Variants in EFNA5 observed in about 807,000 individuals in gnomAD.
EFNA5 encodes ephrin-A5.
Under a neutral mutation model 22.9 loss-of-function variants are expected in EFNA5, and 5 were observed. The observed-to-expected ratio is 0.22, with a 90% CI of 0.11 to 0.46. The LOEUF is 0.46. Ranked by LOEUF, EFNA5 falls within the 20% of genes least tolerant of loss-of-function variation. EFNA5 has a pLI of 0.99. For synonymous variants in EFNA5, 113 were observed against 112.2 expected (o/e 1.01, Z -0.04); for missense variants, 237 against 293.3 (o/e 0.81, Z 1.40).
At chr5:107,488,203 G>C (rs1746694989) in intron 1 of EFNA5, among the ~76,000 whole-genome samples, 1 of 152,112 alleles carries the variant, frequency 6.6e-6, no homozygotes, top group South Asian at 2.1e-4. Context: ...AATACTAACC[G>C]CTGTATACAA....
At chr5:107,631,974 G>A (rs571247776) in intron 1 of EFNA5, among the ~76,000 whole-genome samples, 1 of 152,314 alleles carries the variant, frequency 6.6e-6, no homozygotes, top group East Asian at 1.9e-4. Flanking sequence ...TACCTCCCAG[G>A]AGATTCTTGC....
At chr5:107,492,542 T>A (rs954320870) in intron 1 of EFNA5, among the ~76,000 whole-genome samples, 6 of 152,238 alleles carry the variant, frequency 3.9e-5, no homozygotes, top group Admixed American at 3.9e-4. Flanking sequence ...GTTGTGATCA[T>A]CTCATTCTCT....
At chr5:107,450,287 T>G (rs1749525366) in intron 1 of EFNA5, among the ~76,000 whole-genome samples, 1 of 152,170 alleles carries the variant, frequency 6.6e-6, no homozygotes, top group Admixed American at 6.5e-5. Flanking sequence ...GGCAAAGTTT[T>G]TTTGCTCCTC....
intron 1 of EFNA5, among the ~76,000 whole-genome samples, chr5:107,470,524 G>A (rs1750111424): frequency 6.6e-6 from 1 of 152,156 alleles, no homozygotes; most frequent in African/African-American, 2.4e-5. Flanking sequence ...AAAATTGGAG[G>A]ACTAAACAGA....
chr5:107,630,051 A>G (rs562078656), intron 1 of EFNA5, among the ~76,000 whole-genome samples: 14 of 151,252 alleles, frequency 9.3e-5, no homozygotes, highest in African/African-American at 3.4e-4. Flanking sequence ...GCGTGACTCC[A>G]TCTCAAAAAA....
At chr5:107,489,905 A>C (rs1014946721) in intron 1 of EFNA5, among the ~76,000 whole-genome samples, 8 of 152,198 alleles carry the variant, frequency 5.3e-5, no homozygotes, top group African/African-American at 1.9e-4. Flanking sequence ...TGGCTGAAAC[A>C]GCTGGACTTA....
intron 2 of EFNA5, among the ~76,000 whole-genome samples, chr5:107,402,440 T>C (rs1482921629): frequency 1.3e-5 from 2 of 152,236 alleles, no homozygotes; most frequent in African/African-American, 2.4e-5. Context: ...TTCTTCACTA[T>C]GAAAAATAAT....
At chr5:107,644,516 TA>T (rs1384367375) in intron 1 of EFNA5, among the ~76,000 whole-genome samples, 3 of 152,224 alleles carry the variant, frequency 2.0e-5, no homozygotes, top group Non-Finnish European at 4.4e-5. Context: ...GAAACTTGTA[TA>T]TTTTTTGCTG....
chr5:107,630,055 CAAA>C (rs533897222), intron 1 of EFNA5, among the ~76,000 whole-genome samples: 1 of 105,986 alleles, frequency 9.4e-6, no homozygotes. Flanking sequence ...GACTCCATCT[CAAA>C]AAAAAAAAAA....
intron 4 of EFNA5, among the ~76,000 whole-genome samples, chr5:107,383,884 T>C (rs947154956): frequency 4.6e-5 from 7 of 152,206 alleles, no homozygotes; most frequent in African/African-American, 1.7e-4. Flanking sequence ...TTTCAGTCCT[T>C]TAACCATACA....
chr5:107,525,906 C>T (rs768724452), intron 1 of EFNA5, among the ~76,000 whole-genome samples: 1 of 152,176 alleles, frequency 6.6e-6, no homozygotes, highest in South Asian at 2.1e-4. Flanking sequence ...AAATTTGAAG[C>T]ACTAGGAGGT....
rs528781102 is a variant in EFNA5 at position 107,572,101 on chromosome 5, C to T, written c.125+98388G>A. Among the ~76,000 whole-genome samples the T allele has an allele frequency of 1.1e-4, 17 of 152,128 alleles. No individual in the cohort carries two copies. The South Asian group carries it at 1.7e-3, about 15-fold the overall frequency. ...ATGCTTCTGGAGTCTAATCTTGAGC[C>T]AAATTGACTAAAAAGGACAGCCCGG... is the stretch of plus-strand genomic sequence containing the variant. On this transcript the variant is annotated intron_variant, in intron 1 of 4. Transcript: ENST00000333274.
chr5:107,442,180 C>T (rs1749273351), intron 1 of EFNA5, among the ~76,000 whole-genome samples: 1 of 141,906 alleles, frequency 7.0e-6, no homozygotes, highest in Non-Finnish European at 1.6e-5. Flanking sequence ...AAGAGATGGC[C>T]TTTTTTTTTC....
At chr5:107,485,199 A>G (rs1384090981) in intron 1 of EFNA5, among the ~76,000 whole-genome samples, 2 of 152,200 alleles carry the variant, frequency 1.3e-5, no homozygotes, top group Non-Finnish European at 2.9e-5. Flanking sequence ...TGTCTGCACT[A>G]GATGGTCCAA....
chr5:107,398,575 A>C (rs1043507065), intron 2 of EFNA5, among the ~76,000 whole-genome samples: 6 of 152,136 alleles, frequency 3.9e-5, no homozygotes, highest in African/African-American at 1.4e-4. Flanking sequence ...GGCCAGGCAC[A>C]GTGGCTCACA....
At chr5:107,477,131 T>C (rs1750334406) in intron 1 of EFNA5, among the ~76,000 whole-genome samples, 1 of 151,734 alleles carries the variant, frequency 6.6e-6, no homozygotes, top group African/African-American at 2.4e-5. Flanking sequence ...AAGAGAAACA[T>C]CACACAGTTT....
At chr5:107,404,137 G>A (rs959855513) in intron 2 of EFNA5, among the ~76,000 whole-genome samples, 1 of 152,132 alleles carries the variant, frequency 6.6e-6, no homozygotes, top group South Asian at 2.1e-4. Flanking sequence ...CTGAAATGAG[G>A]CCAAATAAGT....
At chr5:107,454,902 A>G (rs2112450161) in intron 1 of EFNA5, among the ~76,000 whole-genome samples, 1 of 152,308 alleles carries the variant, frequency 6.6e-6, no homozygotes, top group Non-Finnish European at 1.5e-5. Context: ...GCAAGTAGAG[A>G]GGGAAGGAAG....
At chr5:107,622,714 C>T (rs1322584662) in intron 1 of EFNA5, among the ~76,000 whole-genome samples, 1 of 151,986 alleles carries the variant, frequency 6.6e-6, no homozygotes, top group African/African-American at 2.4e-5. Context: ...CAGTAATAGA[C>T]GTGGAGTCTC....
Sources: allele counts gnomAD v4.1 joint callset (sites outside exome capture counted in the v4.1 genomes callset), GRCh38; gene constraint gnomAD v4.1.1; transcripts MANE v1.5; gene names NCBI Gene and HGNC (gene_info 2026-07-23, HGNC 2026-07-21).